Variants in ANO6 observed in about 807,000 individuals in gnomAD.
The protein encoded by ANO6 is anoctamin 6.
In ANO6, 106 loss-of-function variants were observed where a neutral mutation model predicts 117.5. The observed-to-expected ratio is 0.90, with a 90% CI of 0.77 to 1.06. The LOEUF is 1.06. Among genes scored for constraint, ANO6 ranks in the 50% least tolerant of loss-of-function variants. ANO6 has a pLI of 0.00. For synonymous variants in ANO6, 367 were observed against 385.1 expected (o/e 0.95, Z 0.55); for missense variants, 955 against 1,121.1 (o/e 0.85, Z 2.12).
Position 45,223,743 on chromosome 12 carries a change from T to A in ANO6, c.70+7352T>A, listed in dbSNP as rs186373772. ...AAAATATCTTAAATATTGTACATATTCCATTGCTATAATTTTTAAGAGTTG... is the reference window on the plus strand; with the variant it reads ...AAAATATCTTAAATATTGTACATATACCATTGCTATAATTTTTAAGAGTTG... On this transcript the variant is annotated intron_variant, in intron 1 of 19. Coordinates refer to ENST00000320560, the MANE Select transcript of ANO6 (RefSeq NM_001025356.3). 8.0e-4 allele frequency among the ~76,000 whole-genome samples: 122 copies of A among 152,328 alleles called. 1 individual carries two copies. The highest frequency in any genetic ancestry group is 2.9e-3 in the African/African-American group (119 of 41,574).
At chr12:45,386,494 TA>T (rs529177853) in intron 10 of ANO6, among the ~76,000 whole-genome samples, 156 of 113,658 alleles carry the variant, frequency 1.4e-3, no homozygotes, top group African/African-American at 5.4e-3. Flanking sequence ...CCTTCTGTCA[TA>T]CCTGCATCCA....
At chr12:45,410,229 C>T (rs1420182914) in intron 16 of ANO6, among the ~76,000 whole-genome samples, 2 of 152,214 alleles carry the variant, frequency 1.3e-5, no homozygotes, top group African/African-American at 4.8e-5. Context: ...AGCTTCGTGG[C>T]AGGAATGGTC....
At chr12:45,228,338 C>G (rs1489388336) in intron 1 of ANO6, 12 of 238,158 alleles carry the variant, frequency 5.0e-5, no homozygotes, top group Non-Finnish European at 8.4e-5. Flanking sequence ...ATTGGTCTCA[C>G]TATGTTGCCC....
intron 1 of ANO6, among the ~76,000 whole-genome samples, chr12:45,242,100 C>T (rs1028282219): frequency 2.6e-5 from 4 of 152,202 alleles, no homozygotes; most frequent in Non-Finnish European, 4.4e-5. Context: ...CTACTCTCTC[C>T]GGAGTTGTCA....
chr12:45,231,725 C>T (rs946917896), intron 1 of ANO6, among the ~76,000 whole-genome samples: 1 of 152,156 alleles, frequency 6.6e-6, no homozygotes, highest in Non-Finnish European at 1.5e-5. Flanking sequence ...TACTTAGTGA[C>T]CACTGGGTAC....
chr12:45,430,708 TGTCTTGCCATGCAC>T lies in ANO6; in HGVS notation c.*1406_*1419del, dbSNP rs1269135699. On this transcript the variant is annotated 3_prime_UTR_variant, in exon 20 of 20. Transcript: ENST00000320560. ...TGGAGATTACTTCCTGCTGCACTCC[TGTCTTGCCATGCAC>T]GTCTTGCCCCCTCACTTTTGCTCAG... is the stretch of plus-strand genomic sequence containing the variant. 21 of 985,390 alleles carry T rather than the reference TGTCTTGCCATGCAC, an allele frequency of 2.1e-5. No homozygotes were observed. Among genetic ancestry groups the T allele is most frequent in the Admixed American group, 1.2e-4 (2 of 16,272 alleles). 61.0% of individuals were successfully genotyped at this position (985,390 alleles called of 1,614,324 possible).
Position 45,402,036 on chromosome 12 carries a change from A to T in ANO6, c.1612+16A>T. ...ACTAACTTCGGTAAGGTCCTACTAT[A>T]GCTTAGGTAACTTCTGACATATTTT... is the stretch of plus-strand genomic sequence containing the variant. On this transcript the variant is annotated intron_variant, in intron 13 of 19. Coordinates refer to ENST00000320560, the MANE Select transcript of ANO6 (RefSeq NM_001025356.3). 6.2e-7 allele frequency: 1 copy of T among 1,602,354 alleles called. No individual in the cohort carries two copies. Among genetic ancestry groups the T allele is most frequent in the Non-Finnish European group, 8.5e-7 (1 of 1,170,486 alleles).
chr12:45,310,159 G>A (rs1377233668), intron 2 of ANO6, among the ~76,000 whole-genome samples: 2 of 152,074 alleles, frequency 1.3e-5, no homozygotes, highest in East Asian at 3.9e-4. Flanking sequence ...GGGAGTATGA[G>A]CAAAAGTGCA....
chr12:45,216,317 G>A lies in ANO6; in HGVS notation c.-5G>A. 6.2e-7 allele frequency: 1 copy of A among 1,609,014 alleles called. No individual in the cohort carries two copies. The highest frequency in any genetic ancestry group is 8.5e-7 in the Non-Finnish European group (1 of 1,177,416). On this transcript the variant is annotated 5_prime_UTR_variant, in exon 1 of 20. Coordinates refer to ENST00000320560, the MANE Select transcript of ANO6 (RefSeq NM_001025356.3). ...CCAAGTTCGGAGCCGCCTTCTGAGG[G>A]AGACATGAAAAAGATGAGCAGGAAT...
rs1941188833 is a variant in ANO6 at position 45,348,146 on chromosome 12, C to A, written c.464C>A (p.Ser155Tyr). ...PLKPNDLKNR[S>Y]SAFGTLNWFT... ...AAACCCAATGATCTGAAAAACCGGT[C>A]CTCAGCCTTTGGTACACTCAACTGG... The change falls in exon 5 of 20, where the codon TCC becomes TAC. Residue 155 changes from serine to tyrosine, a missense_variant. Coordinates refer to ENST00000320560, the MANE Select transcript of ANO6 (RefSeq NM_001025356.3). 6.2e-7 allele frequency: 1 copy of A among 1,614,050 alleles called. No individual in the cohort carries two copies. Among genetic ancestry groups the A allele is most frequent in the Non-Finnish European group, 8.5e-7 (1 of 1,179,992 alleles).
Position 45,362,975 on chromosome 12 carries a change from G to C in ANO6, c.999-4713G>C, listed in dbSNP as rs188920286. 4.6e-3 allele frequency among the ~76,000 whole-genome samples: 702 copies of C among 152,082 alleles called. 3 individuals carry two copies. The highest frequency in any genetic ancestry group is 9.5e-3 in the Admixed American group (145 of 15,276). On this transcript the variant is annotated intron_variant, in intron 8 of 19. Transcript: ENST00000320560. ...ACTACTTTTCATATTTATATATGTA[G>C]TTAGTTCTATCTCTGCTTTTTTTTT... is the stretch of plus-strand genomic sequence containing the variant.
downstream of ANO6, among the ~76,000 whole-genome samples, chr12:45,434,002 C>T (rs908707139): frequency 5.3e-5 from 8 of 152,158 alleles, no homozygotes; most frequent in Admixed American, 4.6e-4. Context: ...GCCTCATTCC[C>T]GAAAACAGTT....
At chr12:45,390,871 A>G (rs1295151758) in intron 12 of ANO6, among the ~76,000 whole-genome samples, 1 of 152,126 alleles carries the variant, frequency 6.6e-6, no homozygotes, top group Non-Finnish European at 1.5e-5. Flanking sequence ...CCTATAATCC[A>G]AGCACCTTGG....
chr12:45,283,708 A>G (rs1938816032), intron 1 of ANO6, among the ~76,000 whole-genome samples: 1 of 152,222 alleles, frequency 6.6e-6, no homozygotes, highest in Non-Finnish European at 1.5e-5. Flanking sequence ...CCCAGTAGGT[A>G]AAGTCAGACA....
intron 12 of ANO6, among the ~76,000 whole-genome samples, chr12:45,393,671 A>G (rs2137594839): frequency 6.6e-6 from 1 of 152,362 alleles, no homozygotes; most frequent in East Asian, 1.9e-4. Context: ...ACGAGCCAGA[A>G]GAGAGTGGGG....
chr12:45,329,372 C>A (rs1216394198), intron 2 of ANO6, among the ~76,000 whole-genome samples: 1 of 152,054 alleles, frequency 6.6e-6, no homozygotes, highest in Non-Finnish European at 1.5e-5. Context: ...CTAATAGTAC[C>A]ATATTGGAGT....
At chr12:45,328,251 C>T (rs1383445453) in intron 2 of ANO6, among the ~76,000 whole-genome samples, 2 of 152,100 alleles carry the variant, frequency 1.3e-5, no homozygotes, top group Non-Finnish European at 2.9e-5. Flanking sequence ...TCCTGTGTGG[C>T]TCCCCTGTGT....
At chr12:45,413,669 T>C (rs1257708372) in intron 16 of ANO6, among the ~76,000 whole-genome samples, 1 of 152,186 alleles carries the variant, frequency 6.6e-6, no homozygotes, top group Non-Finnish European at 1.5e-5. Context: ...GGAAGAAGTC[T>C]AGCAGAGTTG....
intron 1 of ANO6, among the ~76,000 whole-genome samples, chr12:45,275,898 C>T (rs1156428340): frequency 1.3e-5 from 2 of 152,130 alleles, no homozygotes; most frequent in Non-Finnish European, 2.9e-5. Flanking sequence ...ATTTCAGGGG[C>T]TTTAAATACC....
Sources: allele counts gnomAD v4.1 joint callset (sites outside exome capture counted in the v4.1 genomes callset), GRCh38; gene constraint gnomAD v4.1.1; transcripts MANE v1.5; gene names NCBI Gene and HGNC (gene_info 2026-07-23, HGNC 2026-07-21).